Variants in TCF3 observed in about 807,000 individuals in gnomAD.
The protein encoded by TCF3 is transcription factor E2-alpha.
TCF3 carries 54 observed loss-of-function variants against 72.3 expected under a neutral mutation model. The observed-to-expected ratio is 0.75, with a 90% CI of 0.60 to 0.94. The LOEUF is 0.94. TCF3 is among the 40% of genes least tolerant of loss of function. The pLI is 0.00. For missense variants in TCF3, 1,078 were observed against 934.4 expected, an observed-to-expected ratio of 1.15 and a Z score of -2.00; for synonymous variants, 525 against 412.6, an observed-to-expected ratio of 1.27 and a Z score of -3.30.
At position 1,632,115 on chromosome 19, in the gene TCF3, G is replaced by C; in HGVS notation, c.221C>G (p.Thr74Ser). Residue 74 changes from threonine to serine, a missense_variant and splice_region_variant, in exon 5 of 19, where the codon ACC (threonine) becomes AGC (serine). By Grantham distance (58) the Thr-to-Ser change is moderately conservative (BLOSUM62 1). Transcript: ENST00000262965. ...AGTGAAGTGGGTGCCCTCGCTGAAG[G>C]TCTAGGGGAGATGGGGTGGGGATGA... ...QSSSSFDPSR[T>S]FSEGTHFTES... is the part of the protein sequence containing the mutation. 6.2e-7 allele frequency: 1 copy of C among 1,612,768 alleles called. No homozygotes were observed. Among genetic ancestry groups the C allele is most frequent in the Non-Finnish European group, 8.5e-7 (1 of 1,179,488 alleles).
At chr19:1,649,055 C>A (rs957931840) in intron 2 of TCF3, among the ~76,000 whole-genome samples, 1 of 152,342 alleles carries the variant, frequency 6.6e-6, no homozygotes, top group African/African-American at 2.4e-5. Context: ...ACCCTCTGAG[C>A]CTCCGTTCAC....
chr19:1,625,604 G>A lies in TCF3; in HGVS notation c.471C>T (p.Ser157=). ...GGCTGCCGTCTGCCGCTCTCCGCCG[G>A]GAGCTGCCGGAGTAGGAGGGGTAGT... ...SQYYPSYSGS[S]RRRAADGSLD... The change falls in exon 7 of 19, where the codon TCC becomes TCT. Residue 157 remains serine (S), a synonymous_variant. Transcript: ENST00000262965. 1 of 1,584,860 alleles carries A rather than the reference G, an allele frequency of 6.3e-7. No homozygotes were observed. Among genetic ancestry groups the A allele is most frequent in the Non-Finnish European group, 8.6e-7 (1 of 1,168,114 alleles).
chr19:1,621,829 G>T lies in TCF3; in HGVS notation c.955+9C>A. On this transcript the variant is annotated intron_variant, in intron 11 of 18. Coordinates refer to ENST00000262965, the MANE Select transcript of TCF3 (RefSeq NM_003200.5). ...CTCGGAGAGGCCGCATCCCAGGGAG[G>T]GGCCATACCCAGGAGGCTGTCGGCC... The T allele has an allele frequency of 6.3e-7, 1 of 1,581,408 alleles. No individual in the cohort carries two copies. The highest frequency in any genetic ancestry group is 8.6e-7 in the Non-Finnish European group (1 of 1,165,068).
Position 1,609,926 on chromosome 19 carries a change from G to T in TCF3, c.*1781C>A, listed in dbSNP as rs1056865703. 3 of 232,740 alleles carry T rather than the reference G, an allele frequency of 1.3e-5. No individual in the cohort carries two copies. The highest frequency in any genetic ancestry group is 1.2e-3 in the Middle Eastern group (1 of 810). 14.4% of individuals were successfully genotyped at this position (232,740 alleles called of 1,614,324 possible). A position where few individuals can be genotyped will look rare whatever the true frequency, so the allele number is the denominator to read the frequency against. On this transcript the variant is annotated 3_prime_UTR_variant, in exon 19 of 19. Transcript: ENST00000262965. ...GGGGATGAACACAGCCAGCCCAGGGGTCCACAAGGCCTCAATGCAGGGAGG... is the reference window on the plus strand; with the variant it reads ...GGGGATGAACACAGCCAGCCCAGGGTTCCACAAGGCCTCAATGCAGGGAGG...
intron 3 of TCF3, among the ~76,000 whole-genome samples, chr19:1,638,361 TTTTTG>T (rs1390445160): frequency 6.6e-6 from 1 of 152,168 alleles, no homozygotes; most frequent in Non-Finnish European, 1.5e-5. Context: ...ATACAATGTT[TTTTTG>T]TTTTTTTTGT....
intron 18 of TCF3, chr19:1,612,296 A>G: frequency 6.2e-7 from 1 of 1,613,844 alleles, no homozygotes; most frequent in Non-Finnish European, 8.5e-7. Flanking sequence ...CTTGAGGTGC[A>G]TCTGGCACAT....
At position 1,614,374 on chromosome 19, in the gene TCF3, T is replaced by C. The variant is rs1317669516; in HGVS notation, c.1822+911A>G. Among the ~76,000 whole-genome samples the C allele has an allele frequency of 6.6e-6, 1 of 152,116 alleles. No homozygotes were observed. Among genetic ancestry groups the C allele is most frequent in the Non-Finnish European group, 1.5e-5 (1 of 68,000 alleles). On this transcript the variant is annotated intron_variant, in intron 18 of 18. Transcript: ENST00000262965. This position sits in a 1 kb window ranked among gnomAD's most constrained non-coding sequence, Gnocchi z 5.6. ...GGGGGCTTTGGGGGAGGAAACGCCCTGAGGTTGCAGCCCAGCCGCTCCCGG... is the reference window on the plus strand; with the variant it reads ...GGGGGCTTTGGGGGAGGAAACGCCCCGAGGTTGCAGCCCAGCCGCTCCCGG...
rs1324122062 is a variant in TCF3 at position 1,625,635 on chromosome 19, G to A, written c.440C>T (p.Ser147Phe). The A allele has an allele frequency of 6.4e-7, 1 of 1,560,038 alleles. No individual in the cohort carries two copies. The highest frequency in any genetic ancestry group is 1.2e-5 in the South Asian group (1 of 85,156). Residue 147 changes from serine (S) to phenylalanine (F), a missense_variant, in exon 7 of 19, where the codon TCC (serine) becomes TTC (phenylalanine). Ser to Phe is a radical substitution (Grantham distance 155). Transcript: ENST00000262965. Reference sequence around the variant, plus strand: ...GCCGGAGTAGGAGGGGTAGTACTGGGAGGTCCCCTTCATGCCCGAAGGGGA... The same window carrying A: ...GCCGGAGTAGGAGGGGTAGTACTGGAAGGTCCCCTTCATGCCCGAAGGGGA... Reference protein sequence around the residue: ...PLSPSGMKGTSQYYPSYSGSS... With the variant: ...PLSPSGMKGTFQYYPSYSGSS...
At position 1,615,502 on chromosome 19, in the gene TCF3, G is replaced by A. The variant is rs368652321; in HGVS notation, c.1605C>T (p.Asp535=). The change falls in exon 18 of 19, where the codon GAC becomes GAT. Residue 535 remains aspartate, a synonymous_variant. Coordinates refer to ENST00000262965, the MANE Select transcript of TCF3 (RefSeq NM_003200.5). The surrounding 1 kb of genome is among the most constrained non-coding windows in gnomAD (Gnocchi z 7.3). ...RARTSPDEDE[D]DLLPPEQKAE... Reference sequence around the variant, plus strand: ...CCTTCTGCTCTGGGGGGAGAAGGTCGTCCTCGTCCTCGTCTGGGCTATGGG... The same window carrying A: ...CCTTCTGCTCTGGGGGGAGAAGGTCATCCTCGTCCTCGTCTGGGCTATGGG... The A allele has an allele frequency of 9.9e-6, 16 of 1,608,548 alleles. No homozygotes were observed. Among genetic ancestry groups the A allele is most frequent in the Admixed American group, 1.7e-5 (1 of 59,974 alleles).
At chr19:1,644,743 A>G (rs78070795) in intron 3 of TCF3, among the ~76,000 whole-genome samples, 61 of 152,188 alleles carry the variant, frequency 4.0e-4, no homozygotes, top group African/African-American at 1.4e-3. Context: ...CCAATCTCAC[A>G]GTGGTCCGTG....
At chr19:1,643,666 C>G (rs2065655144) in intron 3 of TCF3, among the ~76,000 whole-genome samples, 1 of 152,190 alleles carries the variant, frequency 6.6e-6, no homozygotes, top group Admixed American at 6.5e-5. Context: ...AAGGTGTGAG[C>G]CACCTTGCCC....
rs755436570 is a variant in TCF3 at position 1,615,799 on chromosome 19, C to T, written c.1473G>A (p.Thr491=). The T allele has an allele frequency of 9.5e-6, 15 of 1,573,800 alleles. No individual in the cohort carries two copies. The highest frequency in any genetic ancestry group is 3.4e-4 in the Middle Eastern group (2 of 5,878). The change falls in exon 17 of 19, where the codon ACG becomes ACA. Residue 491 remains threonine (T), a synonymous_variant. Coordinates refer to ENST00000262965, the MANE Select transcript of TCF3 (RefSeq NM_003200.5). The surrounding 1 kb of genome is among the most constrained non-coding windows in gnomAD (Gnocchi z 7.3). ...SYSGLGRAGA[T]AAASEIKREE... is the part of the protein sequence containing the mutation. ...CCCGCTTGATCTCGCTGGCGGCCGC[C>T]GTGGCACCTGCTCGCCCTAGCCCTG... is the stretch of plus-strand genomic sequence containing the variant.
intron 18 of TCF3, among the ~76,000 whole-genome samples, chr19:1,613,581 A>C (rs1277012422): frequency 6.6e-6 from 1 of 152,096 alleles, no homozygotes; most frequent in Non-Finnish European, 1.5e-5. Context: ...GGCCAGACTC[A>C]CTGTGGACAG....
chr19:1,620,783 C>T (rs1568364388), intron 13 of TCF3, among the ~76,000 whole-genome samples, 185 bp downstream of exon 13: 1 of 152,322 alleles, frequency 6.6e-6, no homozygotes, highest in South Asian at 2.1e-4. Context: ...CCGTCGGTTC[C>T]TGACCAGCGA....
chr19:1,652,347 T>G lies in TCF3; in HGVS notation c.-87A>C, dbSNP rs2067264095. 1 of 134,638 alleles carries G rather than the reference T, an allele frequency of 7.4e-6. No individual in the cohort carries two copies. Among genetic ancestry groups the G allele is most frequent in the African/African-American group, 2.7e-5 (1 of 36,760 alleles). The allele number at this position is 134,638 out of a possible 1,614,324, so 8.3% of individuals were successfully genotyped here. ...CGGCGCGTGGGGGGGGGCGGCGGCATGAAGCGGGGGGGCCCCCCCCCGGAC... is the reference window on the plus strand; with the variant it reads ...CGGCGCGTGGGGGGGGGCGGCGGCAGGAAGCGGGGGGGCCCCCCCCCGGAC... On this transcript the variant is annotated 5_prime_UTR_variant, in exon 1 of 19. The change abolishes an upstream ATG in the 5' untranslated region. Transcript: ENST00000262965.
At position 1,614,147 on chromosome 19, in the gene TCF3, G is replaced by A. The variant is rs926635516; in HGVS notation, c.1822+1138C>T. On this transcript the variant is annotated intron_variant, in intron 18 of 18. Coordinates refer to ENST00000262965, the MANE Select transcript of TCF3 (RefSeq NM_003200.5). This position sits in a 1 kb window ranked among gnomAD's most constrained non-coding sequence, Gnocchi z 5.6. ...ATGAAATGGGTGAAGGTCTGGCCCA[G>A]TGCCCAGCATGCCTGGTGCCCTGTC... Among the ~76,000 whole-genome samples the A allele has an allele frequency of 5.3e-5, 8 of 152,266 alleles. No homozygotes were observed. Among genetic ancestry groups the A allele is most frequent in the Non-Finnish European group, 1.2e-4 (8 of 68,044 alleles).
chr19:1,622,135 C>A lies in TCF3; in HGVS notation c.741G>T (p.Leu247=). Residue 247 remains leucine (L), a synonymous_variant, in exon 10 of 19, where the codon CTG becomes CTT. Coordinates refer to ENST00000262965, the MANE Select transcript of TCF3 (RefSeq NM_003200.5). ...GPMLGGGSSP[L]PLPPGSGPVG... is the part of the protein sequence containing the mutation. ...CCGGGCCGCTACCGGGCGGGAGGGGCAGCGGGGATGAGCCCCCACCCAGCA... is the reference window on the plus strand; with the variant it reads ...CCGGGCCGCTACCGGGCGGGAGGGGAAGCGGGGATGAGCCCCCACCCAGCA... 6.3e-7 allele frequency: 1 copy of A among 1,590,990 alleles called. No individual in the cohort carries two copies. The highest frequency in any genetic ancestry group is 8.5e-7 in the Non-Finnish European group (1 of 1,170,988).
intron 13 of TCF3, 50 bp downstream of exon 13, chr19:1,620,918 C>G (rs371016412): frequency 2.1e-5 from 30 of 1,420,794 alleles, no homozygotes; most frequent in East Asian, 1.4e-4. Flanking sequence ...TCCCCTCCCC[C>G]CAAACCCTCA....
chr19:1,642,260 A>ACACACGCACG (rs1489826322), intron 3 of TCF3, among the ~76,000 whole-genome samples: 1 of 151,632 alleles, frequency 6.6e-6, no homozygotes, highest in South Asian at 2.1e-4. Flanking sequence ...ACACGTGCGC[A>ACACACGCACG]CACACGCACG....
Sources: allele counts gnomAD v4.1 joint callset (sites outside exome capture counted in the v4.1 genomes callset), GRCh38; gene constraint gnomAD v4.1.1; non-coding constraint Gnocchi (gnomAD v3.1); transcripts MANE v1.5; gene names NCBI Gene and HGNC (gene_info 2026-07-23, HGNC 2026-07-21).